PPP2R2B: variants seen among roughly 807,000 people sequenced by gnomAD.
PPP2R2B encodes protein phosphatase 2 regulatory subunit Bbeta.
A neutral mutation model predicts 46.0 loss-of-function variants in PPP2R2B; 5 were observed. That is an observed-to-expected ratio of 0.11 (90% CI 0.06 to 0.23). The LOEUF is 0.23. Ranked by LOEUF, PPP2R2B falls within the 10% of genes least tolerant of loss-of-function variation. The pLI, the probability that PPP2R2B is intolerant of heterozygous loss-of-function variation, is 1.00. For missense variants in PPP2R2B, 367 were observed against 575.0 expected (o/e 0.64, Z 3.70); for synonymous variants, 215 against 206.7 (o/e 1.04, Z -0.34).
chr5:146,683,834 A>C (rs1241531488), intron 5 of PPP2R2B, among the ~76,000 whole-genome samples: 1 of 152,242 alleles, frequency 6.6e-6, no homozygotes, highest in Non-Finnish European at 1.5e-5. Context: ...GATGGCAATC[A>C]ATAATGATAA....
chr5:146,807,776 C>CCTTTTTTT (rs1757269168), intron 2 of PPP2R2B, among the ~76,000 whole-genome samples: 2 of 36,902 alleles, frequency 5.4e-5, no homozygotes, highest in African/African-American at 1.6e-4. Context: ...GGGGTGCCTT[C>CCTTTTTTT]TTTTTTTTTT....
chr5:146,806,603 G>C (rs1757193565), intron 2 of PPP2R2B, among the ~76,000 whole-genome samples: 1 of 152,176 alleles, frequency 6.6e-6, no homozygotes, highest in Non-Finnish European at 1.5e-5. Flanking sequence ...ATCCAGCCTG[G>C]AGCTTTCCCA....
intron 1 of PPP2R2B, among the ~76,000 whole-genome samples, chr5:146,897,681 G>A (rs1762690170): frequency 6.6e-6 from 1 of 152,054 alleles, no homozygotes; most frequent in Non-Finnish European, 1.5e-5. Flanking sequence ...GGAGACAACA[G>A]GGATACTTTT....
intron 5 of PPP2R2B, among the ~76,000 whole-genome samples, chr5:146,656,908 TC>T (rs1776371390): frequency 1.3e-5 from 2 of 152,118 alleles, no homozygotes; most frequent in Non-Finnish European, 2.9e-5. Context: ...TGAGTCTTCC[TC>T]CCTCAGGTTC....
At chr5:146,902,677 T>C (rs1762872441) in intron 1 of PPP2R2B, among the ~76,000 whole-genome samples, 1 of 152,174 alleles carries the variant, frequency 6.6e-6, no homozygotes, top group Admixed American at 6.5e-5. Context: ...CACACAAAGA[T>C]CTGATCAAGC....
chr5:146,708,093 C>T (rs993885707), intron 2 of PPP2R2B, among the ~76,000 whole-genome samples: 3 of 152,102 alleles, frequency 2.0e-5, no homozygotes, highest in African/African-American at 4.8e-5. Context: ...CGGTGGCTCA[C>T]GCCTATAATC....
intron 2 of PPP2R2B, among the ~76,000 whole-genome samples, chr5:146,756,741 C>A (rs1157747638): frequency 2.6e-5 from 4 of 152,114 alleles, no homozygotes; most frequent in Non-Finnish European, 5.9e-5. Flanking sequence ...GAATTCATGT[C>A]GTGTACTTAA....
At chr5:146,733,133 G>T (rs1180217128) in intron 2 of PPP2R2B, among the ~76,000 whole-genome samples, 2 of 152,158 alleles carry the variant, frequency 1.3e-5, no homozygotes, top group East Asian at 3.9e-4. Context: ...CTTTACAAAT[G>T]TAAATCAGTG....
chr5:146,595,938 A>G (rs906375275), intron 8 of PPP2R2B, among the ~76,000 whole-genome samples: 1 of 152,198 alleles, frequency 6.6e-6, no homozygotes, highest in Non-Finnish European at 1.5e-5. Flanking sequence ...AGTGTCATAT[A>G]GTTAGTGGAC....
chr5:147,014,939 T>A (rs1259555763), intron 1 of PPP2R2B, among the ~76,000 whole-genome samples: 1 of 151,936 alleles, frequency 6.6e-6, no homozygotes, highest in Non-Finnish European at 1.5e-5. Flanking sequence ...CTGGGTCCTA[T>A]CCCCAAGATA....
At chr5:146,732,903 T>C (rs1752315470) in intron 2 of PPP2R2B, among the ~76,000 whole-genome samples, 1 of 152,250 alleles carries the variant, frequency 6.6e-6, no homozygotes, top group Non-Finnish European at 1.5e-5. Flanking sequence ...ACACAGTTAA[T>C]GAAGGAGGCT....
At chr5:146,752,666 G>A (rs1178388490) in intron 2 of PPP2R2B, among the ~76,000 whole-genome samples, 1 of 152,142 alleles carries the variant, frequency 6.6e-6, no homozygotes, top group Non-Finnish European at 1.5e-5. Flanking sequence ...TTTTTGGGGT[G>A]TGTGTGTGTA....
rs77122994 is a variant in PPP2R2B, at chr5:146,686,781, G to A, written c.447+4347C>T. On this transcript the variant is annotated intron_variant, in intron 5 of 9. Transcript: ENST00000394411. ...AATACCTCCAGGCTTACCCTGCAGG[G>A]AGAAGTATGCTAAGTGTGATTTCTC... Among the ~76,000 whole-genome samples, 389 of 152,264 alleles carry A rather than the reference G, an allele frequency of 2.6e-3. 2 individuals carry two copies. Among genetic ancestry groups the A allele is most frequent in the African/African-American group, 9.0e-3 (374 of 41,546 alleles).
intron 5 of PPP2R2B, among the ~76,000 whole-genome samples, chr5:146,687,762 C>T (rs1447619849): frequency 2.0e-5 from 3 of 152,122 alleles, no homozygotes; most frequent in Non-Finnish European, 2.9e-5. Flanking sequence ...GATATAGTCA[C>T]ATTCTTGCTT....
chr5:146,960,446 C>A (rs775702172), intron 1 of PPP2R2B, among the ~76,000 whole-genome samples: 5 of 152,090 alleles, frequency 3.3e-5, no homozygotes, highest in Non-Finnish European at 7.4e-5. Context: ...CAGGCCACCA[C>A]GCCCGGCTAA....
intron 5 of PPP2R2B, among the ~76,000 whole-genome samples, chr5:146,680,433 A>G (rs576807578): frequency 3.3e-5 from 5 of 151,512 alleles, no homozygotes; most frequent in African/African-American, 1.2e-4. Context: ...ATTGGGAGAT[A>G]TACCTAATGC....
chr5:146,906,614 A>C (rs1173856171), intron 1 of PPP2R2B, among the ~76,000 whole-genome samples: 1 of 152,148 alleles, frequency 6.6e-6, no homozygotes, highest in Admixed American at 6.6e-5. Flanking sequence ...GAGCCACCGC[A>C]CCTGGCCTTT....
At chr5:146,830,295 C>T (rs986270352) in intron 2 of PPP2R2B, among the ~76,000 whole-genome samples, 5 of 152,238 alleles carry the variant, frequency 3.3e-5, no homozygotes, top group Admixed American at 6.5e-5. Context: ...TTAAGCCACA[C>T]GTTTAACACA....
At chr5:147,079,377 T>A (rs1473560181) in intron 2 of PPP2R2B, among the ~76,000 whole-genome samples, 1 of 147,322 alleles carries the variant, frequency 6.8e-6, no homozygotes, top group Non-Finnish European at 1.5e-5. Flanking sequence ...ATATATAATA[T>A]GTGATATAAA....
Sources: allele counts gnomAD v4.1 joint callset (sites outside exome capture counted in the v4.1 genomes callset), GRCh38; gene constraint gnomAD v4.1.1; transcripts MANE v1.5; gene names NCBI Gene and HGNC (gene_info 2026-07-23, HGNC 2026-07-21).